VTCN1: variants seen among roughly 807,000 people sequenced by gnomAD.
VTCN1 encodes the protein V-set domain containing T cell activation inhibitor 1.
VTCN1 carries 26 observed loss-of-function variants against 26.5 expected under a neutral mutation model. That is an observed-to-expected ratio of 0.98 (90% CI 0.72 to 1.36). The LOEUF is 1.36. Ranked by LOEUF, VTCN1 falls within the 40% of genes most tolerant of loss-of-function variation. VTCN1 has a pLI of 0.00. For missense variants in VTCN1, 298 were observed against 337.7 expected, an observed-to-expected ratio of 0.88 and a Z score of 0.92; for synonymous variants, 116 against 130.7, an observed-to-expected ratio of 0.89 and a Z score of 0.77.
intron 2 of VTCN1, chr1:117,157,125 T>C: frequency 1.8e-6 from 1 of 549,046 alleles, no homozygotes; most frequent in Non-Finnish European, 2.6e-6. Flanking sequence ...AGCAGATCTG[T>C]CATATATAAT....
intron 1 of VTCN1, among the ~76,000 whole-genome samples, chr1:117,193,568 A>G (rs1301660040): frequency 1.6e-5 from 1 of 60,990 alleles, no homozygotes; most frequent in African/African-American, 5.5e-5. Flanking sequence ...AAATATATCT[A>G]TGCATCCAAC....
chr1:117,200,674 C>A (rs1257407451), intron 1 of VTCN1, among the ~76,000 whole-genome samples: 3 of 152,204 alleles, frequency 2.0e-5, no homozygotes, highest in Non-Finnish European at 4.4e-5. Flanking sequence ...ATTTGAAGTT[C>A]TGTACAGGAT....
intron 1 of VTCN1, among the ~76,000 whole-genome samples, chr1:117,188,778 G>T (rs1648093513): frequency 6.6e-6 from 1 of 152,134 alleles, no homozygotes; most frequent in East Asian, 1.9e-4. Context: ...ATTGAAAGCA[G>T]TTCGTATTTT....
chr1:117,176,709 A>G (rs1465022989), intron 1 of VTCN1, among the ~76,000 whole-genome samples: 1 of 152,254 alleles, frequency 6.6e-6, no homozygotes, highest in East Asian at 1.9e-4. Context: ...GAGTAAATCA[A>G]GTTGCAGCAA....
chr1:117,161,524 T>G lies in VTCN1; in HGVS notation c.98-4603A>C, dbSNP rs1557863665. Among the ~76,000 whole-genome samples, 1 of 152,224 alleles carries G rather than the reference T, an allele frequency of 6.6e-6. No individual in the cohort carries two copies. The highest frequency in any genetic ancestry group is 1.5e-5 in the Non-Finnish European group (1 of 68,036). ...CTCTAATCTATCTCTGGAACTAGTT[T>G]GTGAGCTTTTCAAGAGCAGAAACTG... is the stretch of plus-strand genomic sequence containing the variant. On this transcript the variant is annotated intron_variant, in intron 2 of 5. Coordinates refer to ENST00000369458, the MANE Select transcript of VTCN1 (RefSeq NM_024626.4). This position sits in a 1 kb window ranked among gnomAD's most constrained non-coding sequence, Gnocchi z 4.3.
At position 117,178,059 on chromosome 1, in the gene VTCN1, T is replaced by TC. The variant is rs1034542163; in HGVS notation, c.33-7889dup. Among the ~76,000 whole-genome samples, 21 of 148,540 alleles carry TC rather than the reference T, an allele frequency of 1.4e-4. 1 individual carries two copies. The highest frequency in any genetic ancestry group is 2.7e-4 in the Non-Finnish European group (18 of 67,306). ...ACTCAAGCAATCCTTCCACCACACCTCCCCCAAGTAGCTGGGACTACAGGT... is the reference window on the plus strand; with the variant it reads ...ACTCAAGCAATCCTTCCACCACACCTCCCCCCAAGTAGCTGGGACTACAGGT... On this transcript the variant is annotated intron_variant, in intron 1 of 5. Transcript: ENST00000369458.
Position 117,183,924 on chromosome 1 carries a change from G to A in VTCN1, c.33-13753C>T, listed in dbSNP as rs560254550. Among the ~76,000 whole-genome samples the A allele has an allele frequency of 1.3e-3, 194 of 152,248 alleles. No homozygotes were observed. In the Middle Eastern group the frequency reaches 0.014, roughly 11 times the overall value. Reference sequence around the variant, plus strand: ...CCAGATCAGTAAGAGAGTGCTGGGCGCAATGGCTATGCATTCCAGGGACCA... The same window carrying A: ...CCAGATCAGTAAGAGAGTGCTGGGCACAATGGCTATGCATTCCAGGGACCA... On this transcript the variant is annotated intron_variant, in intron 1 of 5. Coordinates refer to ENST00000369458, the MANE Select transcript of VTCN1 (RefSeq NM_024626.4). The surrounding 1 kb of genome is among the most constrained non-coding windows in gnomAD (Gnocchi z 4.1).
rs1651556638 is a variant in VTCN1 at position 117,147,239 on chromosome 1, G to A, written c.*45+374C>T. Among the ~76,000 whole-genome samples, 1 of 152,144 alleles carries A rather than the reference G, an allele frequency of 6.6e-6. No individual in the cohort carries two copies. The highest frequency in any genetic ancestry group is 2.1e-4 in the South Asian group (1 of 4,826). On this transcript the variant is annotated intron_variant, in intron 5 of 5. Coordinates refer to ENST00000369458, the MANE Select transcript of VTCN1 (RefSeq NM_024626.4). The surrounding 1 kb of genome is among the most constrained non-coding windows in gnomAD (Gnocchi z 4.6). ...CCACAGGGGCCGGCTGGAAGGGCAG[G>A]GAGGGGTTTTATGTGAATGATGATA...
intron 1 of VTCN1, among the ~76,000 whole-genome samples, chr1:117,182,977 A>G (rs1224782074): frequency 1.3e-5 from 2 of 152,110 alleles, no homozygotes; most frequent in East Asian, 3.9e-4. Flanking sequence ...TGTCTGTTTT[A>G]TTTTCTAAGC....
At chr1:117,156,977 C>G in intron 2 of VTCN1, 56 bp from the exon 3 acceptor site, 1 of 1,611,874 alleles carries the variant, frequency 6.2e-7, no homozygotes, top group Non-Finnish European at 8.5e-7. Context: ...CTTCTACAAC[C>G]AAACCCTTCA....
chr1:117,205,455 G>T (rs928377569), intron 1 of VTCN1, among the ~76,000 whole-genome samples: 8 of 152,060 alleles, frequency 5.3e-5, no homozygotes, highest in Non-Finnish European at 2.9e-5. Context: ...GAGCCACCAT[G>T]CCTGGCCAGC....
At chr1:117,209,113 C>T (rs959666814) in intron 1 of VTCN1, among the ~76,000 whole-genome samples, 2 of 152,132 alleles carry the variant, frequency 1.3e-5, no homozygotes, top group Non-Finnish European at 1.5e-5. Flanking sequence ...CATGGACAGT[C>T]GCTGCTTCTG....
intron 3 of VTCN1, among the ~76,000 whole-genome samples, chr1:117,156,290 G>C (rs529244770): frequency 6.6e-6 from 1 of 152,198 alleles, no homozygotes; most frequent in Admixed American, 6.5e-5. Flanking sequence ...GCTGTACCAG[G>C]GGCTACCACA....
intron 1 of VTCN1, among the ~76,000 whole-genome samples, chr1:117,202,414 A>G (rs1055308486): frequency 6.6e-6 from 1 of 152,122 alleles, no homozygotes. Flanking sequence ...AACCAAGAGA[A>G]GAAAGAGCTT....
At chr1:117,190,089 C>T (rs1475233648) in intron 1 of VTCN1, among the ~76,000 whole-genome samples, 1 of 152,156 alleles carries the variant, frequency 6.6e-6, no homozygotes, top group Non-Finnish European at 1.5e-5. Context: ...GGTAACAGGC[C>T]CATTGATCTT....
rs1651512807 is a variant in VTCN1, at chr1:117,146,420, G to A, written c.*45+1193C>T. The stretch of plus-strand genomic sequence containing the variant: ...GAAGCAGATCAACAGATCTTTACCT[G>A]CCTCTGAGGACTTAGCAATGTAGGC... On this transcript the variant is annotated intron_variant, in intron 5 of 5. Coordinates refer to ENST00000369458, the MANE Select transcript of VTCN1 (RefSeq NM_024626.4). The surrounding 1 kb of genome is among the most constrained non-coding windows in gnomAD (Gnocchi z 4.2). 1.3e-5 allele frequency among the ~76,000 whole-genome samples: 2 copies of A among 152,204 alleles called. No individual in the cohort carries two copies. The highest frequency in any genetic ancestry group is 4.1e-4 in the South Asian group (2 of 4,828).
chr1:117,180,575 G>A (rs1310963063), intron 1 of VTCN1, among the ~76,000 whole-genome samples: 1 of 152,210 alleles, frequency 6.6e-6, no homozygotes, highest in African/African-American at 2.4e-5. Flanking sequence ...TAGAAAAGCT[G>A]AGTATCCCAT....
intron 2 of VTCN1, among the ~76,000 whole-genome samples, chr1:117,164,963 G>C (rs913911816): frequency 4.6e-5 from 7 of 152,238 alleles, no homozygotes; most frequent in Non-Finnish European, 8.8e-5. Context: ...GGATGGCTAT[G>C]AGAAGGTGGC....
intron 1 of VTCN1, among the ~76,000 whole-genome samples, chr1:117,182,955 T>C (rs1006513728): frequency 2.6e-5 from 4 of 152,220 alleles, no homozygotes; most frequent in African/African-American, 9.6e-5. Context: ...GGAGCTCTTA[T>C]GAATCACAAG....
Sources: gnomAD v4.1 joint callset for allele counts (sites outside exome capture counted in the v4.1 genomes callset) on GRCh38, gnomAD v4.1.1 for gene constraint, Gnocchi (gnomAD v3.1) non-coding constraint, MANE v1.5 for transcripts, NCBI Gene and HGNC (gene_info 2026-07-23, HGNC 2026-07-21) for gene names.